The following VKORC1L1 variants were observed in gnomAD, a reference collection of about 807,000 sequenced individuals.
The protein encoded by VKORC1L1 is vitamin K epoxide reductase complex subunit 1L1.
In VKORC1L1, 2 loss-of-function variants were observed where a neutral mutation model predicts 18.9. That is an observed-to-expected ratio of 0.11 (90% CI 0.04 to 0.33). The LOEUF is 0.33. Among genes scored for constraint, VKORC1L1 ranks in the 10% least tolerant of loss-of-function variants. The probability of loss-of-function intolerance (pLI) is 1.00; values close to 1 mark genes in which losing one functional copy is unlikely to be tolerated. For missense variants in VKORC1L1, 123 were observed against 224.1 expected, an observed-to-expected ratio of 0.55 and a Z score of 2.88; for synonymous variants, 96 against 100.0, an observed-to-expected ratio of 0.96 and a Z score of 0.24.
At chr7:65,905,296 C>T (rs530845231) in intron 1 of VKORC1L1, among the ~76,000 whole-genome samples, 3 of 151,990 alleles carry the variant, frequency 2.0e-5, no homozygotes, top group Non-Finnish European at 4.4e-5. Context: ...TTTAAATTGG[C>T]GTGGTTATTT....
the VKORC1L1 span, among the ~76,000 whole-genome samples, chr7:65,866,659 C>G: frequency 7.2e-5 from 11 of 152,102 alleles, no homozygotes; most frequent in Non-Finnish European, 1.5e-4. Context: ...CTTGTAATCC[C>G]AACACTGTGG....
At chr7:65,890,923 A>G (rs1035147974) in intron 1 of VKORC1L1, among the ~76,000 whole-genome samples, 5 of 152,200 alleles carry the variant, frequency 3.3e-5, no homozygotes, top group South Asian at 4.1e-4. Context: ...GAAGATATAG[A>G]ATATTTCCGT....
intron 1 of VKORC1L1, among the ~76,000 whole-genome samples, chr7:65,884,224 T>G (rs1224021180): frequency 1.3e-5 from 2 of 152,228 alleles, no homozygotes; most frequent in Non-Finnish European, 2.9e-5. Flanking sequence ...TTATTGTGAC[T>G]ATGAAGTGTA....
intron 2 of VKORC1L1, among the ~76,000 whole-genome samples, chr7:65,950,637 A>G (rs1292500638): frequency 1.3e-5 from 2 of 152,236 alleles, no homozygotes; most frequent in Non-Finnish European, 1.5e-5. Context: ...AGCAAAAAAA[A>G]AATGGAGGTA....
rs1262672167 is a variant in VKORC1L1 at position 65,948,870 on chromosome 7, T to G, written c.304+90T>G. 4.7e-6 allele frequency: 7 copies of G among 1,497,048 alleles called. No homozygotes were observed. In the South Asian group the frequency reaches 8.6e-5, roughly 18 times the overall value. The allele number at this position is 1,497,048 out of a possible 1,614,324, so 92.7% of individuals were successfully genotyped here. A position where few individuals can be genotyped will look rare whatever the true frequency, so the allele number is the denominator to read the frequency against. ...TGAAGTGTCTTGATGTTAAAGCATG[T>G]GTTATTTATAGAACCACTAGCGTGT... is the stretch of plus-strand genomic sequence containing the variant. On this transcript the variant is annotated intron_variant, in intron 2 of 2. Coordinates refer to ENST00000360768, the MANE Select transcript of VKORC1L1 (RefSeq NM_173517.6).
intron 1 of VKORC1L1, among the ~76,000 whole-genome samples, chr7:65,914,559 A>T (rs919990407): frequency 4.6e-5 from 7 of 152,202 alleles, no homozygotes; most frequent in African/African-American, 1.7e-4. Context: ...GCAATTACTC[A>T]TTCTCTCACA....
intron 2 of VKORC1L1, among the ~76,000 whole-genome samples, chr7:65,950,071 C>G (rs1207716256): frequency 6.6e-6 from 1 of 152,004 alleles, no homozygotes; most frequent in Non-Finnish European, 1.5e-5. Flanking sequence ...ATTTTTAAGA[C>G]ATGCTTTGTA....
intron 1 of VKORC1L1, among the ~76,000 whole-genome samples, chr7:65,874,315 C>G (rs1195320396): frequency 6.6e-6 from 1 of 151,890 alleles, no homozygotes; most frequent in Non-Finnish European, 1.5e-5. Context: ...GAGTAAAGGA[C>G]AAGTATGTTA....
chr7:65,929,680 GTGTATA>G (rs1424848825), intron 1 of VKORC1L1, among the ~76,000 whole-genome samples: 5 of 103,774 alleles, frequency 4.8e-5, no homozygotes, highest in African/African-American at 2.0e-4. Flanking sequence ...ATGTGTGTGT[GTGTATA>G]TATATATATA....
chr7:65,923,163 A>G (rs1789706023), intron 1 of VKORC1L1, among the ~76,000 whole-genome samples: 1 of 152,114 alleles, frequency 6.6e-6, no homozygotes. Flanking sequence ...GCACTTTGGG[A>G]GGCCAAGGCA....
chr7:65,954,315 C>G lies in VKORC1L1; in HGVS notation c.*15C>G. 1.2e-6 allele frequency: 2 copies of G among 1,613,876 alleles called. No homozygotes were observed. Among genetic ancestry groups the G allele is most frequent in the Non-Finnish European group, 1.7e-6 (2 of 1,180,016 alleles). Reference sequence around the variant, plus strand: ...AGCAGGACTGACGCCCGACAGACTCCACCCTAACAGTCTCAAGCCCCTTTC... The same window carrying G: ...AGCAGGACTGACGCCCGACAGACTCGACCCTAACAGTCTCAAGCCCCTTTC... On this transcript the variant is annotated 3_prime_UTR_variant, in exon 3 of 3. Coordinates refer to ENST00000360768, the MANE Select transcript of VKORC1L1 (RefSeq NM_173517.6).
chr7:65,908,553 C>A (rs1283292930), intron 1 of VKORC1L1, among the ~76,000 whole-genome samples: 2 of 151,406 alleles, frequency 1.3e-5, no homozygotes, highest in Non-Finnish European at 2.9e-5. Context: ...AATTTCAAAT[C>A]CAGGCCGGCC....
At chr7:65,881,089 T>G (rs1788921053) in intron 1 of VKORC1L1, among the ~76,000 whole-genome samples, 1 of 152,096 alleles carries the variant, frequency 6.6e-6, no homozygotes, top group Admixed American at 6.6e-5. Context: ...AAATCCCAAA[T>G]CCAAAGCATT....
intron 1 of VKORC1L1, 131 bp downstream of exon 1, chr7:65,873,696 C>T (rs1388201523): frequency 3.5e-5 from 4 of 113,962 alleles, no homozygotes; most frequent in Non-Finnish European, 4.7e-5. Context: ...CTGACGGGGT[C>T]GGGTCGGGGC....
At chr7:65,895,190 T>G (rs1397050848) in intron 1 of VKORC1L1, among the ~76,000 whole-genome samples, 1 of 151,952 alleles carries the variant, frequency 6.6e-6, no homozygotes, top group Admixed American at 6.6e-5. Flanking sequence ...AGGAGCATCT[T>G]AACCAACTTA....
intron 1 of VKORC1L1, among the ~76,000 whole-genome samples, chr7:65,936,468 C>T (rs1789943671): frequency 6.6e-6 from 1 of 152,206 alleles, no homozygotes; most frequent in Non-Finnish European, 1.5e-5. Context: ...GTTTCACAAG[C>T]TCTGCCTCTC....
chr7:65,897,833 T>G (rs1246516478), intron 1 of VKORC1L1, among the ~76,000 whole-genome samples: 4 of 152,136 alleles, frequency 2.6e-5, no homozygotes, highest in African/African-American at 7.2e-5. Flanking sequence ...AAAAATAGTG[T>G]GTATACATCA....
At chr7:65,948,558 A>T in intron 1 of VKORC1L1, 113 bp from the exon 2 acceptor site, 2 of 400,900 alleles carry the variant, frequency 5.0e-6, no homozygotes, top group Non-Finnish European at 8.7e-6. Context: ...AGGACATTTA[A>T]GACATTTCAC....
chr7:65,880,146 G>A (rs960248979), intron 1 of VKORC1L1, among the ~76,000 whole-genome samples: 11 of 152,124 alleles, frequency 7.2e-5, no homozygotes, highest in Non-Finnish European at 1.6e-4. Flanking sequence ...GAGCCACCAC[G>A]CCCAGCCTTT....
Sources: gnomAD v4.1 joint callset for allele counts (sites outside exome capture counted in the v4.1 genomes callset) on GRCh38, gnomAD v4.1.1 for gene constraint, MANE v1.5 for transcripts, NCBI Gene and HGNC (gene_info 2026-07-23, HGNC 2026-07-21) for gene names.